Variants in ATRX observed in about 807,000 individuals in gnomAD.
ATRX encodes the protein chromatin remodeler ATRX.
ATRX carries 12 observed loss-of-function variants against 172.6 expected under a neutral mutation model. That is an observed-to-expected ratio of 0.07 (90% confidence interval 0.04 to 0.11). The LOEUF (loss-of-function observed/expected upper bound fraction) is 0.11. ATRX is among the 10% of genes least tolerant of loss of function. ATRX has a pLI of 1.00. For missense variants in ATRX, 1,368 were observed against 1,767.4 expected, an observed-to-expected ratio of 0.77 and a Z score of 4.05; for synonymous variants, 674 against 594.7, an observed-to-expected ratio of 1.13 and a Z score of -1.94.
intron 1 of ATRX, among the ~76,000 whole-genome samples, chrX:77,755,657 C>T (rs1026048321): frequency 2.7e-5 from 3 of 112,053 alleles, no homozygotes; most frequent in East Asian, 2.8e-4. Flanking sequence ...GTATCACCAG[C>T]GGAGGCTGGA....
At chrX:77,664,832 C>A (rs2148499526) in intron 10 of ATRX, 54 bp from the exon 11 acceptor site, 2 of 1,052,312 alleles carry the variant, frequency 1.9e-6, no homozygotes, top group Non-Finnish European at 2.6e-6. Flanking sequence ...GTGAAATACA[C>A]CAAATTAAAA....
At chrX:77,544,614 G>A (rs1557052496) in intron 30 of ATRX, among the ~76,000 whole-genome samples, 1 of 94,433 alleles carries the variant, frequency 1.1e-5, no homozygotes, top group African/African-American at 4.1e-5. Flanking sequence ...TCCCCTTCCT[G>A]TGTCCATGTG....
intron 28 of ATRX, among the ~76,000 whole-genome samples, chrX:77,571,852 C>T (rs1231625832): frequency 9.0e-6 from 1 of 111,154 alleles, no homozygotes; most frequent in Non-Finnish European, 1.9e-5. Context: ...GCTAACGAGG[C>T]ACTCTGAGAC....
rs2148572975 is a variant in ATRX at position 77,681,805 on chromosome X, T to C, written c.3451A>G (p.Ser1151Gly). The C allele has an allele frequency of 8.3e-7, 1 of 1,198,402 alleles. No individual in the cohort carries two copies. Among genetic ancestry groups the C allele is most frequent in the Non-Finnish European group, 1.1e-6 (1 of 891,204 alleles). Residue 1151 changes from serine to glycine, a missense_variant, in exon 9 of 35, where the codon AGT (serine) becomes GGT (glycine). Ser to Gly is a moderately conservative substitution (Grantham distance 56). Coordinates refer to ENST00000373344, the MANE Select transcript of ATRX (RefSeq NM_000489.6). The stretch of plus-strand genomic sequence containing the variant: ...TCAGCATCAGATGATGATGAGCCAC[T>C]TTGTATTTCCTTAGTATTTCTCTTT... ...SSKRNTKEIQ[S>G]GSSSSDAEES...
intron 1 of ATRX, among the ~76,000 whole-genome samples, chrX:77,759,945 T>C (rs782454506): frequency 9.0e-6 from 1 of 111,485 alleles, no homozygotes; most frequent in South Asian, 3.7e-4. Flanking sequence ...ATCAGATTTT[T>C]TCAGATTTTG....
Position 77,696,630 on chromosome X carries a change from T to A in ATRX, c.317A>T (p.Asp106Val), listed in dbSNP as rs1285414081. Residue 106 changes from aspartate to valine, a missense_variant, in exon 5 of 35, where the codon GAT becomes GTT. Asp to Val is a radical substitution (Grantham distance 152). This residue lies in a region of ATRX where 84 missense variants were observed against 82.8 expected (regional missense o/e 1.01). Coordinates refer to ENST00000373344, the MANE Select transcript of ATRX (RefSeq NM_000489.6). ...ATTTTCTGAATTTTCATTAGACGCA[T>A]CTTCATTTACAGTTTCATCATCCAA... ...KPLDDETVNE[D>V]ASNENSENDI... 1.7e-6 allele frequency: 2 copies of A among 1,200,933 alleles called. No homozygotes were observed. The highest frequency in any genetic ancestry group is 1.7e-5 in the African/African-American group (1 of 57,175).
At chrX:77,634,752 A>C in intron 16 of ATRX, 49 bp from the exon 17 acceptor site, 2 of 1,051,492 alleles carry the variant, frequency 1.9e-6, no homozygotes, top group Non-Finnish European at 2.7e-6. Context: ...CAAGTTAAAA[A>C]CTTCCTTTAC....
At chrX:77,589,336 T>C (rs567610003) in intron 27 of ATRX, among the ~76,000 whole-genome samples, 5 of 111,911 alleles carry the variant, frequency 4.5e-5, no homozygotes. Flanking sequence ...AAAAACTGAC[T>C]CTAGTGATGT....
At chrX:77,595,510 T>C (rs955728239) in intron 25 of ATRX, 1 of 111,966 alleles carries the variant, frequency 8.9e-6, no homozygotes, top group Non-Finnish European at 1.9e-5. Context: ...CCAAGAGCCC[T>C]GGCTGAAATA....
chrX:77,531,043 A>T (rs2063559641), intron 30 of ATRX, among the ~76,000 whole-genome samples: 1 of 112,171 alleles, frequency 8.9e-6, no homozygotes, highest in Non-Finnish European at 1.9e-5. Context: ...GAAGAAACAG[A>T]CAATTTCCTG....
At chrX:77,549,161 G>T (rs1218111729) in intron 30 of ATRX, among the ~76,000 whole-genome samples, 1 of 111,305 alleles carries the variant, frequency 9.0e-6, no homozygotes, top group African/African-American at 3.3e-5. Flanking sequence ...GAGGTGGGTC[G>T]ATCACTTGAG....
At chrX:77,623,399 G>A (rs1305415699) in intron 19 of ATRX, among the ~76,000 whole-genome samples, 5 of 111,059 alleles carry the variant, frequency 4.5e-5, no homozygotes, top group African/African-American at 1.3e-4. Context: ...AACAAGCAGC[G>A]AGACTGAAAT....
chrX:77,764,113 CAA>C (rs1224051282), intron 1 of ATRX, among the ~76,000 whole-genome samples: 1 of 109,284 alleles, frequency 9.2e-6, no homozygotes, highest in African/African-American at 3.3e-5. Context: ...GACCCTGTCT[CAA>C]AAAAAAGAGT....
At chrX:77,611,011 T>C (rs1435045589) in intron 22 of ATRX, among the ~76,000 whole-genome samples, 1 of 109,856 alleles carries the variant, frequency 9.1e-6, no homozygotes, top group Admixed American at 9.8e-5. Flanking sequence ...TTATGTAGTG[T>C]GTGTTTATGA....
At chrX:77,633,942 A>G in intron 17 of ATRX, 2 of 382,925 alleles carry the variant, frequency 5.2e-6, no homozygotes, top group Non-Finnish European at 9.1e-6. Context: ...TGTGAATAGT[A>G]TAAAATGATC....
intron 12 of ATRX, 77 bp downstream of exon 12, chrX:77,663,305 C>T (rs2070030238): frequency 2.6e-6 from 3 of 1,144,445 alleles, no homozygotes; most frequent in South Asian, 1.8e-5. Context: ...CCTCAGCTTC[C>T]CAAAGTGCTA....
At chrX:77,660,524 G>A (rs1284117101) in intron 12 of ATRX, among the ~76,000 whole-genome samples, 2 of 109,143 alleles carry the variant, frequency 1.8e-5, no homozygotes, top group Non-Finnish European at 3.8e-5. Context: ...CCGAGATCGC[G>A]CCACTGCACT....
In ATRX at chrX:77,634,232, TAAA is replaced by T. The variant is rs144290953; in HGVS notation, c.4809+359_4809+361del. ...TAACATCATAAACCGTTAAAAGTTG[TAAA>T]AAAAAAAAAAAAAAAAAAAAAGGTA... On this transcript the variant is annotated intron_variant, in intron 17 of 34. Coordinates refer to ENST00000373344, the MANE Select transcript of ATRX (RefSeq NM_000489.6). 9.2e-5 allele frequency among the ~76,000 whole-genome samples: 5 copies of T among 54,071 alleles called. No homozygotes were observed. The South Asian group carries it at 4.4e-3, about 48-fold the overall frequency. The allele number at this position is 54,071 out of a possible 115,157, so 47.0% of individuals were successfully genotyped here.
At chrX:77,624,745 C>T (rs1007585912) in intron 19 of ATRX, among the ~76,000 whole-genome samples, 6 of 111,798 alleles carry the variant, frequency 5.4e-5, no homozygotes, top group African/African-American at 9.8e-5. Flanking sequence ...AAATCATAGG[C>T]GACACAAACA....
Sources: allele counts gnomAD v4.1 joint callset (sites outside exome capture counted in the v4.1 genomes callset), GRCh38; gene constraint gnomAD v4.1.1; regional missense constraint gnomAD v4.1.1; transcripts MANE v1.5; gene names NCBI Gene and HGNC (gene_info 2026-07-23, HGNC 2026-07-21).